Variants in BTBD7 observed in about 807,000 individuals in gnomAD.
The protein encoded by BTBD7 is BTB/POZ domain-containing protein 7.
BTBD7 carries 38 observed loss-of-function variants against 99.9 expected under a neutral mutation model. The observed-to-expected ratio is 0.38, with a 90% CI of 0.29 to 0.50. The LOEUF is 0.50. BTBD7 is among the 20% of genes least tolerant of loss of function. BTBD7 has a pLI of 0.93. For missense variants in BTBD7, 1,170 were observed against 1,394.6 expected (o/e 0.84, Z 2.57); for synonymous variants, 520 against 511.4 (o/e 1.02, Z -0.23).
rs199525091 is a variant in BTBD7, at chr14:93,268,618, G to A, written c.1163-4625C>T. Among the ~76,000 whole-genome samples, 4 of 152,060 alleles carry A rather than the reference G, an allele frequency of 2.6e-5. No individual in the cohort carries two copies. The East Asian group carries it at 7.7e-4, about 29-fold the overall frequency. ...TTATTATCATCCCCATTTTATAGAT[G>A]AGAAAACTAAGACTCAGAAAGATTA... On this transcript the variant is annotated intron_variant, in intron 3 of 10. Coordinates refer to ENST00000334746, the MANE Select transcript of BTBD7 (RefSeq NM_001002860.4).
At chr14:93,274,490 G>C (rs776127282) in intron 3 of BTBD7, among the ~76,000 whole-genome samples, 2 of 152,220 alleles carry the variant, frequency 1.3e-5, no homozygotes, top group Admixed American at 6.5e-5. Context: ...TTCCAATGGA[G>C]GGATGGAAGG....
intron 3 of BTBD7, among the ~76,000 whole-genome samples, chr14:93,275,363 GAATA>G (rs1181198495): frequency 6.6e-6 from 1 of 152,134 alleles, no homozygotes; most frequent in African/African-American, 2.4e-5. Flanking sequence ...ACAGTGGGAA[GAATA>G]TATAATTTGT....
intron 1 of BTBD7, among the ~76,000 whole-genome samples, chr14:93,313,037 ATTTG>A (rs1442628048): frequency 6.6e-6 from 1 of 152,174 alleles, no homozygotes; most frequent in Non-Finnish European, 1.5e-5. Flanking sequence ...GTTTGTAATA[ATTTG>A]TTTGTAACAT....
chr14:93,257,031 G>T (rs1423461118), intron 6 of BTBD7, 164 bp downstream of exon 6: 10 of 664,082 alleles, frequency 1.5e-5, no homozygotes, highest in Non-Finnish European at 2.5e-5. Context: ...TTATGTGGAA[G>T]ACACAGGAGA....
intron 3 of BTBD7, among the ~76,000 whole-genome samples, chr14:93,286,986 C>A (rs926156227): frequency 4.5e-5 from 6 of 132,310 alleles, no homozygotes; most frequent in Middle Eastern, 3.7e-3. Context: ...GCCTGTAATA[C>A]CAGCACTGAG....
chr14:93,295,327 G>A (rs758385840), intron 2 of BTBD7, among the ~76,000 whole-genome samples: 3 of 151,996 alleles, frequency 2.0e-5, no homozygotes, highest in Non-Finnish European at 4.4e-5. Flanking sequence ...TCTCACTAAT[G>A]TTGCTCAGGC....
At chr14:93,325,150 A>T (rs1363088793) in intron 1 of BTBD7, among the ~76,000 whole-genome samples, 1 of 121,494 alleles carries the variant, frequency 8.2e-6, no homozygotes, top group South Asian at 2.5e-4. Flanking sequence ...GTCTAGCTCT[A>T]TCACCCAGGC....
At chr14:93,268,756 CTTTTTTTTTTT>C (rs61483726) in intron 3 of BTBD7, among the ~76,000 whole-genome samples, 5 of 120,910 alleles carry the variant, frequency 4.1e-5, no homozygotes, top group African/African-American at 6.5e-5. Flanking sequence ...TAACTTAGAC[CTTTTTTTTTTT>C]TTTTTTTTTT....
At chr14:93,278,668 T>C (rs1393420434) in intron 3 of BTBD7, among the ~76,000 whole-genome samples, 1 of 152,234 alleles carries the variant, frequency 6.6e-6, no homozygotes, top group East Asian at 1.9e-4. Context: ...ATTAAAAAAG[T>C]AGAGTGGAAG....
At chr14:93,261,811 T>A (rs1436528783) in intron 4 of BTBD7, 134 bp from the exon 5 acceptor site, 25 of 654,884 alleles carry the variant, frequency 3.8e-5, no homozygotes, top group Non-Finnish European at 6.3e-5. Flanking sequence ...CTGTTTGAAG[T>A]TTTAGTGTTA....
chr14:93,311,546 C>G (rs904578718), intron 1 of BTBD7, among the ~76,000 whole-genome samples: 11 of 152,126 alleles, frequency 7.2e-5, no homozygotes, highest in Non-Finnish European at 1.6e-4. Context: ...TTAGTTTATA[C>G]TGTTGCTTCC....
rs370616543 is a variant in BTBD7, at chr14:93,294,885, G to A, written c.135C>T (p.Ser45=). 10 of 1,609,110 alleles carry A rather than the reference G, an allele frequency of 6.2e-6. No homozygotes were observed. Among genetic ancestry groups the A allele is most frequent in the Non-Finnish European group, 8.5e-6 (10 of 1,178,934 alleles). The change falls in exon 3 of 11, where the codon AGC becomes AGT. Residue 45 remains serine, a synonymous_variant. Transcript: ENST00000334746. ...GTGGTTTCTCATGGCCATGGTCAAGGCTATACAACTTTGATTCGCAACCAT... is the reference window on the plus strand; with the variant it reads ...GTGGTTTCTCATGGCCATGGTCAAGACTATACAACTTTGATTCGCAACCAT... ...QGYGCESKLY[S]LDHGHEKPQD...
chr14:93,248,434 ACTGAGGCTC>A lies in BTBD7; in HGVS notation c.2121+33_2121+41del. The A allele has an allele frequency of 1.9e-6, 3 of 1,595,204 alleles. No homozygotes were observed. In the South Asian group the frequency reaches 3.4e-5, roughly 18 times the overall value. On this transcript the variant is annotated intron_variant, in intron 9 of 10. Transcript: ENST00000334746. ...TGCCCACAATACTGCCTGTCTGGTGACTGAGGCTCCCTATTTTAAACAGTTTAATGTCAT... is the reference window on the plus strand; with the variant it reads ...TGCCCACAATACTGCCTGTCTGGTGACCTATTTTAAACAGTTTAATGTCAT...
chr14:93,330,771 T>C (rs984357573), intron 1 of BTBD7, among the ~76,000 whole-genome samples: 2 of 152,194 alleles, frequency 1.3e-5, no homozygotes, highest in African/African-American at 4.8e-5. Context: ...CAGAATAACT[T>C]TGGCATTACT....
intron 1 of BTBD7, among the ~76,000 whole-genome samples, chr14:93,331,575 G>A (rs2053410772): frequency 6.6e-6 from 1 of 152,158 alleles, no homozygotes; most frequent in Admixed American, 6.5e-5. Flanking sequence ...ATGCTATTAG[G>A]GACAAAAGAT....
chr14:93,309,977 C>G lies in BTBD7; in HGVS notation c.-106-13820G>C, dbSNP rs185632767. Reference sequence around the variant, plus strand: ...CCAATTGGCAGGTGTTTTTTTTTCCCCCTTTAGAAATGGGGTCTTGCTCTG... The same window carrying G: ...CCAATTGGCAGGTGTTTTTTTTTCCGCCTTTAGAAATGGGGTCTTGCTCTG... On this transcript the variant is annotated intron_variant, in intron 1 of 10. Transcript: ENST00000334746. 8.2e-3 allele frequency among the ~76,000 whole-genome samples: 1,247 copies of G among 151,926 alleles called. 19 individuals carry two copies. The highest frequency in any genetic ancestry group is 0.029 in the African/African-American group (1,192 of 41,454).
intron 1 of BTBD7, among the ~76,000 whole-genome samples, chr14:93,313,170 C>T (rs1262593883): frequency 6.6e-6 from 1 of 152,158 alleles, no homozygotes; most frequent in Non-Finnish European, 1.5e-5. Flanking sequence ...AAATTAAGTC[C>T]TCCCATAACC....
At chr14:93,266,926 G>A (rs1282914030) in intron 3 of BTBD7, among the ~76,000 whole-genome samples, 1 of 152,176 alleles carries the variant, frequency 6.6e-6, no homozygotes, top group Non-Finnish European at 1.5e-5. Context: ...TTCAACAGTC[G>A]TCATTTTATG....
intron 1 of BTBD7, among the ~76,000 whole-genome samples, chr14:93,315,457 T>C (rs2053189422): frequency 6.6e-6 from 1 of 152,222 alleles, no homozygotes; most frequent in Non-Finnish European, 1.5e-5. Context: ...CTTGAGAACG[T>C]TGTGCTTAAC....
Sources: allele counts gnomAD v4.1 joint callset (sites outside exome capture counted in the v4.1 genomes callset), GRCh38; gene constraint gnomAD v4.1.1; transcripts MANE v1.5; gene names NCBI Gene and HGNC (gene_info 2026-07-23, HGNC 2026-07-21).